MRC2: variants seen among roughly 807,000 people sequenced by gnomAD.
MRC2 encodes mannose receptor C-type 2, also known as C-type mannose receptor 2.
MRC2 carries 84 observed loss-of-function variants against 206.2 expected under a neutral mutation model. The observed-to-expected ratio is 0.41, with a 90% CI of 0.34 to 0.49. The LOEUF (loss-of-function observed/expected upper bound fraction) is 0.49. Among genes scored for constraint, MRC2 ranks in the 20% least tolerant of loss-of-function variants. The pLI is 0.31. For synonymous variants in MRC2, 798 were observed against 800.0 expected, an observed-to-expected ratio of 1.00 and a Z score of 0.04; for missense variants, 1,676 against 2,001.5, an observed-to-expected ratio of 0.84 and a Z score of 3.10.
Position 62,677,376 on chromosome 17 carries a change from C to G in MRC2, c.1942C>G (p.Leu648Val), listed in dbSNP as rs1161916824. 1.9e-6 allele frequency: 3 copies of G among 1,610,672 alleles called. No homozygotes were observed. The highest frequency in any genetic ancestry group is 2.5e-6 in the Non-Finnish European group (3 of 1,179,126). The stretch of plus-strand genomic sequence containing the variant: ...GGCCCGCTACATCTGCCGGCAGAGC[C>G]TGGGCACTCCAGTGACGCCGGAGCT... ...FRARYICRQS[L>V]GTPVTPELPG... is the part of the protein sequence containing the mutation. The change falls in exon 12 of 30, where the codon CTG becomes GTG. Residue 648 changes from leucine to valine, a missense_variant. Leu to Val is a conservative substitution (Grantham distance 32). Around this residue, in one of 3 missense-constraint regions of MRC2, gnomAD observed 1,354 missense variants for 1,636.6 expected, o/e 0.83. Coordinates refer to ENST00000303375, the MANE Select transcript of MRC2 (RefSeq NM_006039.5).
In MRC2 at chr17:62,667,258, G is replaced by T; in HGVS notation, c.974-132G>T. 1 of 1,213,182 alleles carries T rather than the reference G, an allele frequency of 8.2e-7. No homozygotes were observed. The highest frequency in any genetic ancestry group is 1.1e-6 in the Non-Finnish European group (1 of 890,260). The allele number at this position is 1,213,182 out of a possible 1,614,324, so 75.2% of individuals were successfully genotyped here. A position where few individuals can be genotyped will look rare whatever the true frequency, so the allele number is the denominator to read the frequency against. Reference sequence around the variant, plus strand: ...CGTGGTCTGGGGCGGAGCTGGAGCTGAGCACCAGGCTTCCCGAACTGGCTC... The same window carrying T: ...CGTGGTCTGGGGCGGAGCTGGAGCTTAGCACCAGGCTTCCCGAACTGGCTC... On this transcript the variant is annotated intron_variant, in intron 5 of 29. Transcript: ENST00000303375. The surrounding 1 kb of genome is among the most constrained non-coding windows in gnomAD (Gnocchi z 4.1).
rs866232574 is a variant in MRC2, at chr17:62,667,707, T to A, written c.1117+174T>A. ...TAAAGTCTGAGCAAATTGGAATATG[T>A]CATTAATTCATTTGGGGAACATGTG... is the stretch of plus-strand genomic sequence containing the variant. On this transcript the variant is annotated intron_variant, in intron 6 of 29. Transcript: ENST00000303375. The surrounding 1 kb of genome is among the most constrained non-coding windows in gnomAD (Gnocchi z 4.1). Among the ~76,000 whole-genome samples, 1 of 152,228 alleles carries A rather than the reference T, an allele frequency of 6.6e-6. No individual in the cohort carries two copies. Among genetic ancestry groups the A allele is most frequent in the African/African-American group, 2.4e-5 (1 of 41,460 alleles).
intron 1 of MRC2, among the ~76,000 whole-genome samples, chr17:62,645,635 G>A (rs1021586952): frequency 3.7e-4 from 54 of 144,332 alleles, no homozygotes; most frequent in African/African-American, 1.1e-3. Context: ...CTGGGCTCAA[G>A]CAATCCTCCC....
rs188438085 is a variant in MRC2 at position 62,635,521 on chromosome 17, G to A, written c.118+7601G>A. ...GGTTGGGCATACCTCTCCCCTTTTT[G>A]CCTCTAGTTGCCTTTAGCCTACTGT... On this transcript the variant is annotated intron_variant, in intron 1 of 29. Transcript: ENST00000303375. 7.9e-5 allele frequency among the ~76,000 whole-genome samples: 12 copies of A among 151,894 alleles called. No homozygotes were observed. In the East Asian group the frequency reaches 2.1e-3, roughly 27 times the overall value.
chr17:62,633,101 A>G (rs1233928455), intron 1 of MRC2, among the ~76,000 whole-genome samples: 1 of 152,210 alleles, frequency 6.6e-6, no homozygotes. Context: ...TAGAGGTATT[A>G]TAAGATTACA....
At chr17:62,676,692 C>T (rs560538516) in intron 11 of MRC2, 161 bp downstream of exon 11, 151 of 779,006 alleles carry the variant, frequency 1.9e-4, no homozygotes, top group Non-Finnish European at 2.8e-4. Flanking sequence ...TGCCTGGCTC[C>T]GATCATGACT....
At chr17:62,685,609 T>G (rs1212999940) in intron 20 of MRC2, among the ~76,000 whole-genome samples, 5 of 152,156 alleles carry the variant, frequency 3.3e-5, no homozygotes, top group Non-Finnish European at 7.4e-5. Flanking sequence ...CATCATGGCT[T>G]ACTTACTGCA....
intron 1 of MRC2, among the ~76,000 whole-genome samples, chr17:62,656,077 T>C (rs1416364541): frequency 6.6e-6 from 1 of 151,978 alleles, no homozygotes; most frequent in East Asian, 1.9e-4. Context: ...AGATGGAACA[T>C]CACTCTGTTG....
chr17:62,632,646 T>C (rs2088258850), intron 1 of MRC2, among the ~76,000 whole-genome samples: 1 of 152,056 alleles, frequency 6.6e-6, no homozygotes, highest in South Asian at 2.1e-4. Context: ...CAGTGACCCT[T>C]CCTTCGAGAC....
Position 62,682,249 on chromosome 17 carries a change from C to A in MRC2, c.2818C>A (p.Gln940Lys). The change falls in exon 20 of 30, where the codon CAG becomes AAG. Residue 940 changes from glutamine (Q) to lysine (K), a missense_variant. Gln to Lys is a moderately conservative substitution (Grantham distance 53). This residue lies in a region of MRC2 where 1,354 missense variants were observed against 1,636.6 expected (regional missense o/e 0.83). Transcript: ENST00000303375. The part of the protein sequence containing the change: ...MTASREDWGD[Q>K]RCLTALPYIC... ...CCTTTCCGCAGAGGACTGGGGGGACCAGAGGTGCCTGACAGCCTTGCCCTA... is the reference window on the plus strand; with the variant it reads ...CCTTTCCGCAGAGGACTGGGGGGACAAGAGGTGCCTGACAGCCTTGCCCTA... 1 of 1,597,586 alleles carries A rather than the reference C, an allele frequency of 6.3e-7. No homozygotes were observed. Among genetic ancestry groups the A allele is most frequent in the Non-Finnish European group, 8.5e-7 (1 of 1,171,536 alleles).
intron 1 of MRC2, among the ~76,000 whole-genome samples, chr17:62,629,500 C>G (rs1346216747): frequency 3.9e-5 from 6 of 152,204 alleles, no homozygotes; most frequent in Non-Finnish European, 7.3e-5. Context: ...GGGTCCCCTT[C>G]CCGTTGGCAC....
At position 62,693,542 on chromosome 17, in the gene MRC2, A is replaced by C. The variant is rs1324522992; in HGVS notation, c.*1091A>C. The C allele has an allele frequency of 1.3e-5, 2 of 152,582 alleles. No individual in the cohort carries two copies. Among genetic ancestry groups the C allele is most frequent in the Non-Finnish European group, 2.9e-5 (2 of 68,056 alleles). The allele number at this position is 152,582 out of a possible 1,614,324, so 9.5% of individuals were successfully genotyped here. ...AATGTGCCATTATTGTTTTTAAAAA[A>C]AAAGGAAAAAAGAAAAGCAAACAAA... On this transcript the variant is annotated 3_prime_UTR_variant, in exon 30 of 30. Coordinates refer to ENST00000303375, the MANE Select transcript of MRC2 (RefSeq NM_006039.5).
rs984096768 is a variant in MRC2 at position 62,652,786 on chromosome 17, AG to A, written c.119-11757del. Among the ~76,000 whole-genome samples the A allele has an allele frequency of 3.9e-5, 1 of 25,672 alleles. No homozygotes were observed. Among genetic ancestry groups the A allele is most frequent in the Non-Finnish European group, 7.2e-5 (1 of 13,858 alleles). The allele number at this position is 25,672 out of a possible 152,430, so 16.8% of individuals were successfully genotyped here. A position where few individuals can be genotyped will look rare whatever the true frequency, so the allele number is the denominator to read the frequency against. ...GCCGCTTGGGGGGGTGCACGATGGC[AG>A]GGGGAGGGGTGCTCGGTGGAGGGAG... On this transcript the variant is annotated intron_variant, in intron 1 of 29. Transcript: ENST00000303375. The surrounding 1 kb of genome is among the most constrained non-coding windows in gnomAD (Gnocchi z 4.6).
intron 1 of MRC2, among the ~76,000 whole-genome samples, chr17:62,654,574 CG>C (rs913080036): frequency 6.6e-6 from 1 of 151,920 alleles, no homozygotes; most frequent in African/African-American, 2.4e-5. Context: ...GGGCTGAGTC[CG>C]GGGAAACTGC....
chr17:62,687,863 A>G (rs1178334852), intron 20 of MRC2, among the ~76,000 whole-genome samples: 1 of 151,938 alleles, frequency 6.6e-6, no homozygotes, highest in African/African-American at 2.4e-5. Flanking sequence ...AGCCTGGGAG[A>G]CAGAGCGAGA....
At position 62,692,469 on chromosome 17, in the gene MRC2, G is replaced by A. The variant is rs1400716914; in HGVS notation, c.*18G>A. On this transcript the variant is annotated 3_prime_UTR_variant, in exon 30 of 30. Transcript: ENST00000303375. This position sits in a 1 kb window ranked among gnomAD's most constrained non-coding sequence, Gnocchi z 4.2. Reference sequence around the variant, plus strand: ...AAGAATAGAGCCAGGCGCGTGGGCAGGGCCAGGGCGGGAGGAGCTGGGGAG... The same window carrying A: ...AAGAATAGAGCCAGGCGCGTGGGCAAGGCCAGGGCGGGAGGAGCTGGGGAG... 2.6e-6 allele frequency: 4 copies of A among 1,545,536 alleles called. No individual in the cohort carries two copies. Among genetic ancestry groups the A allele is most frequent in the East Asian group, 2.4e-5 (1 of 40,982 alleles).
rs920003660 is a variant in MRC2, at chr17:62,681,069, G to A, written c.2642G>A (p.Arg881Gln). ...CCCGCCTGGCTTCTCCAGTTCTCCC[G>A]GGCCCAGGAGCAGCACTGGTGGATC... is the stretch of plus-strand genomic sequence containing the variant. ...FLSHNLQKFS[R>Q]AQEQHWWIGL... is the part of the protein sequence containing the mutation. Residue 881 changes from arginine (R) to glutamine (Q), a missense_variant, in exon 18 of 30, where the codon CGG becomes CAG. By Grantham distance (43) the Arg-to-Gln change is conservative (BLOSUM62 1). Transcript: ENST00000303375. 2 of 1,613,386 alleles carry A rather than the reference G, an allele frequency of 1.2e-6. No homozygotes were observed. Among genetic ancestry groups the A allele is most frequent in the Non-Finnish European group, 8.5e-7 (1 of 1,179,988 alleles).
rs555822732 is a variant in MRC2, at chr17:62,637,445, A to G, written c.118+9525A>G. ...CAGCAGCTCGGGAGGCTGAGGCAGG[A>G]GAATCACTTGAACCCTGGAGGTGGA... On this transcript the variant is annotated intron_variant, in intron 1 of 29. Transcript: ENST00000303375. Among the ~76,000 whole-genome samples the G allele has an allele frequency of 2.0e-5, 3 of 151,922 alleles. No individual in the cohort carries two copies. The East Asian group carries it at 5.8e-4, about 29-fold the overall frequency.
rs1489443494 is a variant in MRC2 at position 62,664,372 on chromosome 17, A to G, written c.119-176A>G. On this transcript the variant is annotated intron_variant, in intron 1 of 29. Transcript: ENST00000303375. This position sits in a 1 kb window ranked among gnomAD's most constrained non-coding sequence, Gnocchi z 4.7. The stretch of plus-strand genomic sequence containing the variant: ...CCTCATCTGGGCACAAGGGCTTAGC[A>G]CTGCCACTCATTTCCACCTCAGAGG... Among the ~76,000 whole-genome samples the G allele has an allele frequency of 1.3e-5, 2 of 152,220 alleles. No individual in the cohort carries two copies. Among genetic ancestry groups the G allele is most frequent in the Non-Finnish European group, 2.9e-5 (2 of 68,026 alleles).
Sources: gnomAD v4.1 joint callset for allele counts (sites outside exome capture counted in the v4.1 genomes callset) on GRCh38, gnomAD v4.1.1 for gene constraint, gnomAD v4.1.1 regional missense constraint, Gnocchi (gnomAD v3.1) non-coding constraint, MANE v1.5 for transcripts, NCBI Gene and HGNC (gene_info 2026-07-23, HGNC 2026-07-21) for gene names.